The following GRIK2 variants were observed in gnomAD, a reference collection of about 807,000 sequenced individuals.
GRIK2 encodes glutamate receptor ionotropic, kainate 2.
A neutral mutation model predicts 100.3 loss-of-function variants in GRIK2; 32 were observed. The ratio of observed to expected loss-of-function variants is 0.32; its 90% confidence interval spans 0.24 to 0.43. The LOEUF is 0.43. GRIK2 is among the 20% of genes least tolerant of loss of function. GRIK2 has a pLI of 1.00. For synonymous variants in GRIK2, 417 were observed against 389.4 expected (o/e 1.07, Z -0.83); for missense variants, 843 against 1,114.9 (o/e 0.76, Z 3.47).
At chr6:101,799,100 A>T (rs1051010527) in intron 7 of GRIK2, among the ~76,000 whole-genome samples, 2 of 152,172 alleles carry the variant, frequency 1.3e-5, no homozygotes, top group African/African-American at 4.8e-5. Context: ...AAGTTGAAGA[A>T]AAAGATCAGG....
chr6:102,061,926 G>A (rs774524144), intron 16 of GRIK2, among the ~76,000 whole-genome samples: 6 of 149,860 alleles, frequency 4.0e-5, no homozygotes, highest in South Asian at 2.1e-4. Context: ...AAAAAAAATC[G>A]TATCATTATG....
chr6:101,965,218 C>T (rs34085082), intron 14 of GRIK2, among the ~76,000 whole-genome samples: 14,122 of 152,188 alleles, frequency 0.093, 905 homozygotes, highest in Non-Finnish European at 0.14. Context: ...GATCTCAGGA[C>T]ATGTGCTTAA....
At chr6:102,054,393 T>A (rs1771362304) in intron 15 of GRIK2, among the ~76,000 whole-genome samples, 1 of 152,032 alleles carries the variant, frequency 6.6e-6, no homozygotes, top group Non-Finnish European at 1.5e-5. Context: ...ACACAAAAAA[T>A]GGAATGTGCA....
chr6:101,895,810 CTATT>C (rs1787402936), intron 12 of GRIK2, among the ~76,000 whole-genome samples: 1 of 151,396 alleles, frequency 6.6e-6, no homozygotes, highest in Non-Finnish European at 1.5e-5. Flanking sequence ...GCAGAAAAGC[CTATT>C]TATTATTATT....
chr6:101,964,391 T>C (rs1792526073), intron 14 of GRIK2, among the ~76,000 whole-genome samples: 2 of 152,096 alleles, frequency 1.3e-5, no homozygotes, highest in Admixed American at 1.3e-4. Flanking sequence ...ATTTTCCTTG[T>C]GTTTTAAGAG....
At chr6:101,484,567 A>G (rs1772713750) in intron 2 of GRIK2, among the ~76,000 whole-genome samples, 1 of 151,742 alleles carries the variant, frequency 6.6e-6, no homozygotes, top group Admixed American at 6.6e-5. Flanking sequence ...ACACACACAC[A>G]CATATATATG....
chr6:101,932,581 GT>G lies in GRIK2; in HGVS notation c.2085+3961del, dbSNP rs1165058995. ...GTGCTCCTCTTTTACATTCTTTGAA[GT>G]TTTTTTTTTTTAAACTTACATTATT... On this transcript the variant is annotated intron_variant, in intron 14 of 16. Transcript: ENST00000369134. Among the ~76,000 whole-genome samples, 386 of 144,274 alleles carry G rather than the reference GT, an allele frequency of 2.7e-3. 4 individuals carry two copies. The highest frequency in any genetic ancestry group is 7.8e-3 in the African/African-American group (310 of 39,710). 94.6% of individuals were successfully genotyped at this position (144,274 alleles called of 152,430 possible). A position where few individuals can be genotyped will look rare whatever the true frequency, so the allele number is the denominator to read the frequency against.
rs1461748689 is a variant in GRIK2, at chr6:101,689,329, A to G, written c.951+2976A>G. Among the ~76,000 whole-genome samples, 3 of 152,228 alleles carry G rather than the reference A, an allele frequency of 2.0e-5. No homozygotes were observed. The East Asian group carries it at 5.8e-4, about 29-fold the overall frequency. Reference sequence around the variant, plus strand: ...CAGCAAAGTTTCTAGTGCTTGGAGCAAGACCTATTATTATCAGTATCATAA... The same window carrying G: ...CAGCAAAGTTTCTAGTGCTTGGAGCGAGACCTATTATTATCAGTATCATAA... On this transcript the variant is annotated intron_variant, in intron 7 of 16. Coordinates refer to ENST00000369134, the MANE Select transcript of GRIK2 (RefSeq NM_021956.5).
intron 7 of GRIK2, among the ~76,000 whole-genome samples, chr6:101,698,773 G>A (rs192308494): frequency 4.6e-5 from 7 of 152,146 alleles, no homozygotes; most frequent in African/African-American, 1.2e-4. Flanking sequence ...CAAGTGAAAC[G>A]TAGCCTTAAA....
chr6:101,847,748 T>C (rs1367562234), intron 10 of GRIK2, among the ~76,000 whole-genome samples: 2 of 152,098 alleles, frequency 1.3e-5, no homozygotes, highest in Non-Finnish European at 2.9e-5. Flanking sequence ...AGGTCCTTTC[T>C]GAGCATACAT....
At chr6:101,703,490 C>T (rs917927282) in intron 7 of GRIK2, among the ~76,000 whole-genome samples, 6 of 151,728 alleles carry the variant, frequency 4.0e-5, no homozygotes, top group Admixed American at 3.3e-4. Flanking sequence ...TTGTTAGCGA[C>T]CTCAATACTA....
intron 7 of GRIK2, chr6:101,744,996 G>A (rs989246142): frequency 1.3e-5 from 2 of 151,984 alleles, no homozygotes; most frequent in African/African-American, 2.4e-5. Context: ...AAGGCAAAAA[G>A]CAAGCAAAGT....
chr6:102,050,154 A>G (rs542873315), intron 15 of GRIK2, among the ~76,000 whole-genome samples: 77 of 152,256 alleles, frequency 5.1e-4, no homozygotes, highest in African/African-American at 1.9e-3. Flanking sequence ...GAAATAAATC[A>G]ATATATTGTA....
intron 10 of GRIK2, among the ~76,000 whole-genome samples, chr6:101,850,699 T>A (rs1186302352): frequency 6.6e-6 from 1 of 152,082 alleles, no homozygotes; most frequent in East Asian, 1.9e-4. Flanking sequence ...GTTATTGGGT[T>A]CCTTAAAACT....
intron 2 of GRIK2, among the ~76,000 whole-genome samples, chr6:101,445,302 C>A (rs1770314913): frequency 1.3e-5 from 2 of 152,114 alleles, no homozygotes; most frequent in South Asian, 4.1e-4. Context: ...TAAGCTTCAG[C>A]CAATCTGAGC....
At chr6:101,578,967 T>G (rs2128301987) in intron 2 of GRIK2, among the ~76,000 whole-genome samples, 1 of 152,304 alleles carries the variant, frequency 6.6e-6, no homozygotes, top group Middle Eastern at 3.4e-3. Flanking sequence ...CTGCAGGCAT[T>G]TAACTTCTTT....
At chr6:102,032,013 A>C (rs1020094723) in intron 14 of GRIK2, among the ~76,000 whole-genome samples, 1 of 151,318 alleles carries the variant, frequency 6.6e-6, no homozygotes, top group Non-Finnish European at 1.5e-5. Flanking sequence ...GGGAGTTTTT[A>C]AGGGTGAAAG....
intron 14 of GRIK2, among the ~76,000 whole-genome samples, chr6:102,031,249 T>A (rs1247664201): frequency 6.6e-6 from 1 of 151,036 alleles, no homozygotes; most frequent in African/African-American, 2.4e-5. Flanking sequence ...GTAGTCTTAG[T>A]GATCTCTTCA....
At chr6:102,065,283 T>C (rs1249294107) in intron 16 of GRIK2, among the ~76,000 whole-genome samples, 3 of 151,226 alleles carry the variant, frequency 2.0e-5, no homozygotes, top group Non-Finnish European at 4.4e-5. Context: ...GATAATACTA[T>C]TCTGGTAATT....
Sources: gnomAD v4.1 joint callset for allele counts (sites outside exome capture counted in the v4.1 genomes callset) on GRCh38, gnomAD v4.1.1 for gene constraint, MANE v1.5 for transcripts, NCBI Gene and HGNC (gene_info 2026-07-23, HGNC 2026-07-21) for gene names.